The following MCC variants were observed in gnomAD, a reference collection of about 807,000 sequenced individuals.
MCC encodes the protein MCC regulator of Wnt signaling pathway.
In MCC, 90 loss-of-function variants were observed where a neutral mutation model predicts 116.2. That is an observed-to-expected ratio of 0.77 (90% CI 0.65 to 0.92). The LOEUF is 0.92. Ranked by LOEUF, MCC falls within the 40% of genes least tolerant of loss-of-function variation. The probability of loss-of-function intolerance (pLI) is 0.00; values close to 1 mark genes in which losing one functional copy is unlikely to be tolerated. For synonymous variants in MCC, 578 were observed against 510.5 expected, an observed-to-expected ratio of 1.13 and a Z score of -1.78; for missense variants, 1,516 against 1,312.2, an observed-to-expected ratio of 1.16 and a Z score of -2.40.
At chr5:113,233,254 C>G (rs1764004196) in intron 3 of MCC, among the ~76,000 whole-genome samples, 2 of 152,138 alleles carry the variant, frequency 1.3e-5, no homozygotes, top group African/African-American at 4.8e-5. Flanking sequence ...TATGTAACAC[C>G]TACCATGAAC....
rs147564521 is a variant in MCC at position 113,300,207 on chromosome 5, C to T, written c.627+40312G>A. Among the ~76,000 whole-genome samples, 583 of 152,262 alleles carry T rather than the reference C, an allele frequency of 3.8e-3. 6 individuals carry two copies. The highest frequency in any genetic ancestry group is 0.014 in the African/African-American group (564 of 41,542). On this transcript the variant is annotated intron_variant, in intron 3 of 18. Transcript: ENST00000408903. ...AGCAATCTTGAGAAAAAACCCTGAA[C>T]CTCTAGCACTAGGGAAACTGAAAAC...
chr5:113,391,705 C>A (rs1037231695), intron 1 of MCC, among the ~76,000 whole-genome samples: 1 of 148,874 alleles, frequency 6.7e-6, no homozygotes, highest in African/African-American at 2.5e-5. Context: ...GGTAACACAG[C>A]GAGACCTTGT....
intron 3 of MCC, among the ~76,000 whole-genome samples, chr5:113,205,790 C>T (rs1472958110): frequency 2.6e-5 from 4 of 152,144 alleles, no homozygotes; most frequent in Non-Finnish European, 5.9e-5. Flanking sequence ...TGAGGGGTGG[C>T]ATGGGTAGAT....
At chr5:113,247,009 C>T (rs1171950230) in intron 3 of MCC, among the ~76,000 whole-genome samples, 2 of 152,216 alleles carry the variant, frequency 1.3e-5, no homozygotes, top group Non-Finnish European at 2.9e-5. Flanking sequence ...TTCACTCAGT[C>T]CACTGTTCGG....
intron 17 of MCC, among the ~76,000 whole-genome samples, chr5:113,034,484 C>T (rs528306498): frequency 7.2e-5 from 11 of 151,838 alleles, no homozygotes; most frequent in African/African-American, 2.6e-4. Flanking sequence ...TGAGGAGCTG[C>T]AGGAGTCATC....
intron 1 of MCC, among the ~76,000 whole-genome samples, chr5:113,447,324 T>TTTTTTCAATTTTAAA (rs1311443613): frequency 2.6e-5 from 4 of 152,206 alleles, no homozygotes; most frequent in Non-Finnish European, 5.9e-5. Context: ...TATGGCTGCA[T>TTTTTTCAATTTTAAA]TTGGAGTATA....
At chr5:113,472,233 A>G (rs1422877915) in intron 1 of MCC, among the ~76,000 whole-genome samples, 1 of 152,128 alleles carries the variant, frequency 6.6e-6, no homozygotes, top group East Asian at 1.9e-4. Flanking sequence ...AAATGCAGAA[A>G]TCACCCGTCT....
chr5:113,135,028 G>A (rs1257717092), intron 5 of MCC, among the ~76,000 whole-genome samples: 2 of 146,714 alleles, frequency 1.4e-5, no homozygotes, highest in East Asian at 2.1e-4. Flanking sequence ...TACAACCTCC[G>A]CCTCCCGGGT....
At chr5:113,455,755 G>A (rs1019938431) in intron 1 of MCC, among the ~76,000 whole-genome samples, 3 of 152,106 alleles carry the variant, frequency 2.0e-5, no homozygotes, top group African/African-American at 7.2e-5. Context: ...CATACTAAAT[G>A]GAATAAAGAC....
At chr5:113,348,095 A>C (rs186298610) in intron 2 of MCC, among the ~76,000 whole-genome samples, 97 of 152,230 alleles carry the variant, frequency 6.4e-4, no homozygotes, top group Non-Finnish European at 9.9e-4. Flanking sequence ...AGAGAGAGAG[A>C]GATCTCAATG....
intron 1 of MCC, among the ~76,000 whole-genome samples, chr5:113,458,127 T>C (rs1407563145): frequency 1.3e-5 from 2 of 152,198 alleles, no homozygotes; most frequent in Non-Finnish European, 2.9e-5. Flanking sequence ...CTGCCCGAGC[T>C]AGCAGTGGCA....
At chr5:113,366,694 C>G (rs1195066218) in intron 2 of MCC, among the ~76,000 whole-genome samples, 1 of 152,158 alleles carries the variant, frequency 6.6e-6, no homozygotes, top group East Asian at 1.9e-4. Flanking sequence ...AAGGTTTCCT[C>G]ATTTACTTAG....
intron 3 of MCC, among the ~76,000 whole-genome samples, chr5:113,263,219 C>G (rs1044761419): frequency 4.6e-5 from 7 of 152,268 alleles, no homozygotes; most frequent in African/African-American, 1.2e-4. Flanking sequence ...AGGTAGACAG[C>G]TTTCAAACTT....
intron 6 of MCC, among the ~76,000 whole-genome samples, chr5:113,105,813 T>C (rs74484587): frequency 0.018 from 2,722 of 152,294 alleles, 90 homozygotes; most frequent in African/African-American, 0.063. Flanking sequence ...CAAGTTATTT[T>C]CCTAGTTCAA....
chr5:113,271,919 C>T (rs1215470772), intron 3 of MCC, among the ~76,000 whole-genome samples: 1 of 152,162 alleles, frequency 6.6e-6, no homozygotes, highest in East Asian at 1.9e-4. Context: ...TAATAAATTA[C>T]TCAGTCTGTG....
chr5:113,245,556 G>C (rs10519342), intron 3 of MCC, among the ~76,000 whole-genome samples: 5,306 of 151,918 alleles, frequency 0.035, 252 homozygotes, highest in African/African-American at 0.11. Context: ...GCCAAGAAGA[G>C]GTATGCCACC....
At position 113,132,887 on chromosome 5, in the gene MCC, C is replaced by T. The variant is rs540924994; in HGVS notation, c.885-10061G>A. Among the ~76,000 whole-genome samples the T allele has an allele frequency of 2.0e-5, 3 of 152,210 alleles. No individual in the cohort carries two copies. The South Asian group carries it at 6.2e-4, about 32-fold the overall frequency. On this transcript the variant is annotated intron_variant, in intron 5 of 18. Coordinates refer to ENST00000408903, the MANE Select transcript of MCC (RefSeq NM_001085377.2). ...TGTTGGCTCAGTGGCATGGGGTGTC[C>T]CAAAGGGCTAAACAGGTGGCAGTCA... is the stretch of plus-strand genomic sequence containing the variant.
At chr5:113,397,029 G>C (rs568332282) in intron 1 of MCC, among the ~76,000 whole-genome samples, 2 of 152,294 alleles carry the variant, frequency 1.3e-5, no homozygotes, top group South Asian at 4.1e-4. Flanking sequence ...AGGGAAACCA[G>C]AGAGACACTG....
rs374502735 is a variant in MCC at position 113,433,942 on chromosome 5, G to C, written c.171-48730C>G. On this transcript the variant is annotated intron_variant, in intron 1 of 18. Transcript: ENST00000408903. ...GACTTCTTGTCAGAGCCAGGTTCGGGGGTCCACAAGGGTTCAGTTCCCCGG... is the reference window on the plus strand; with the variant it reads ...GACTTCTTGTCAGAGCCAGGTTCGGCGGTCCACAAGGGTTCAGTTCCCCGG... 5 of 1,613,894 alleles carry C rather than the reference G, an allele frequency of 3.1e-6. No homozygotes were observed. In the African/African-American group the frequency reaches 6.7e-5, roughly 22 times the overall value.
Sources: gnomAD v4.1 joint callset for allele counts (sites outside exome capture counted in the v4.1 genomes callset) on GRCh38, gnomAD v4.1.1 for gene constraint, MANE v1.5 for transcripts, NCBI Gene and HGNC (gene_info 2026-07-23, HGNC 2026-07-21) for gene names.